SHTN1: variants seen among roughly 807,000 people sequenced by gnomAD.
SHTN1 encodes the protein shootin 1, also known as shootin-1.
A neutral mutation model predicts 83.1 loss-of-function variants in SHTN1; 42 were observed. The observed-to-expected ratio is 0.51, with a 90% CI of 0.39 to 0.65. The LOEUF (loss-of-function observed/expected upper bound fraction) is 0.65, where lower values mean the gene tolerates loss of function less well. SHTN1 is among the 30% of genes least tolerant of loss of function. SHTN1 has a pLI of 0.00. For missense variants in SHTN1, 622 were observed against 737.8 expected (o/e 0.84, Z 1.82); for synonymous variants, 224 against 247.7 (o/e 0.90, Z 0.90).
chr10:116,953,617 T>G (rs1470310831), intron 5 of SHTN1, among the ~76,000 whole-genome samples: 1 of 125,424 alleles, frequency 8.0e-6, no homozygotes, highest in African/African-American at 2.6e-5. Flanking sequence ...ATCAGTTTTG[T>G]GTTTTGTTTT....
chr10:117,019,313 A>G (rs1852228290), intron 2 of SHTN1, among the ~76,000 whole-genome samples: 1 of 151,964 alleles, frequency 6.6e-6, no homozygotes, highest in Non-Finnish European at 1.5e-5. Flanking sequence ...CCTCCAGAGT[A>G]GATGAGACCA....
chr10:116,993,974 C>T (rs1451500843), intron 1 of SHTN1, among the ~76,000 whole-genome samples: 1 of 152,050 alleles, frequency 6.6e-6, no homozygotes, highest in Non-Finnish European at 1.5e-5. Flanking sequence ...ATATCTGAGT[C>T]TGTTAGCAAG....
chr10:116,979,130 G>C, intron 2 of SHTN1, 126 bp downstream of exon 2: 1 of 758,506 alleles, frequency 1.3e-6, no homozygotes, highest in East Asian at 2.6e-5. Context: ...AAGAGAAAAG[G>C]GAAGAAAAGA....
chr10:117,014,016 A>C (rs1353453749), intron 2 of SHTN1, among the ~76,000 whole-genome samples: 2 of 152,220 alleles, frequency 1.3e-5, no homozygotes, highest in Non-Finnish European at 2.9e-5. Context: ...TCTTGAATGC[A>C]TTCTGTTAAA....
At chr10:117,033,721 C>CAA (rs34597044) in intron 2 of SHTN1, among the ~76,000 whole-genome samples, 17 of 151,338 alleles carry the variant, frequency 1.1e-4, no homozygotes, top group East Asian at 1.9e-4. Flanking sequence ...AAAGGCACAT[C>CAA]AAAAAAAAGG....
rs534885189 is a variant in SHTN1 at position 116,930,799 on chromosome 10, C to T, written c.859-797G>A. ...TTCTGTGTTAAGTTCTTTGAGAAATCGCCACACTGCCTTCCATAATGGCTG... is the reference window on the plus strand; with the variant it reads ...TTCTGTGTTAAGTTCTTTGAGAAATTGCCACACTGCCTTCCATAATGGCTG... On this transcript the variant is annotated intron_variant, in intron 9 of 16. Coordinates refer to ENST00000355371, the MANE Select transcript of SHTN1 (RefSeq NM_001127211.3). Among the ~76,000 whole-genome samples the T allele has an allele frequency of 4.6e-5, 7 of 152,246 alleles. No individual in the cohort carries two copies. In the East Asian group the frequency reaches 7.7e-4, roughly 17 times the overall value.
chr10:116,974,965 G>A (rs1186542331), intron 2 of SHTN1, among the ~76,000 whole-genome samples: 1 of 151,990 alleles, frequency 6.6e-6, no homozygotes, highest in Non-Finnish European at 1.5e-5. Context: ...CATTTTATTT[G>A]GTTGATTGCA....
chr10:117,064,806 T>G lies in SHTN1; in HGVS notation c.-188-16296A>C, dbSNP rs530448917. 9.9e-5 allele frequency among the ~76,000 whole-genome samples: 15 copies of G among 152,278 alleles called. 1 individual carries two copies. Among genetic ancestry groups the G allele is most frequent in the African/African-American group, 3.4e-4 (14 of 41,562 alleles). On this transcript the variant is annotated intron_variant, in intron 1 of 17. Coordinates refer to the SHTN1 transcript ENST00000392901. ...CAGCGATCTAAATTGAACCTTACTGTCTGTTCTTTGGGATAATTCCGTTAG... is the reference window on the plus strand; with the variant it reads ...CAGCGATCTAAATTGAACCTTACTGGCTGTTCTTTGGGATAATTCCGTTAG...
At position 116,919,551 on chromosome 10, in the gene SHTN1, G is replaced by A. The variant is rs538993176; in HGVS notation, c.1195+1883C>T. On this transcript the variant is annotated intron_variant, in intron 12 of 16. Coordinates refer to ENST00000355371, the MANE Select transcript of SHTN1 (RefSeq NM_001127211.3). ...GAATAATTTTTCTTTTTAATTTAAGGTGCTATCAAAGTTGACAAGTTGGTG... is the reference window on the plus strand; with the variant it reads ...GAATAATTTTTCTTTTTAATTTAAGATGCTATCAAAGTTGACAAGTTGGTG... Among the ~76,000 whole-genome samples, 112 of 152,248 alleles carry A rather than the reference G, an allele frequency of 7.4e-4. 2 individuals are homozygous for A. The South Asian group carries it at 0.022, about 30-fold the overall frequency.
intron 16 of SHTN1, among the ~76,000 whole-genome samples, chr10:116,898,893 C>T (rs1383126886): frequency 1.3e-5 from 2 of 152,058 alleles, no homozygotes; most frequent in Admixed American, 6.5e-5. Flanking sequence ...ATATCTTTGA[C>T]TTTATAATTT....
chr10:117,060,665 C>A (rs1255500701), intron 1 of SHTN1, among the ~76,000 whole-genome samples: 2 of 152,158 alleles, frequency 1.3e-5, no homozygotes, highest in African/African-American at 4.8e-5. Flanking sequence ...GTACAATACA[C>A]AAGAACTTCA....
chr10:116,926,237 T>G (rs2133372594), intron 11 of SHTN1, among the ~76,000 whole-genome samples: 1 of 152,286 alleles, frequency 6.6e-6, no homozygotes, highest in Admixed American at 6.5e-5. Flanking sequence ...TCAACATTTC[T>G]GAGAATAAAA....
chr10:116,963,416 G>T (rs970965128), intron 3 of SHTN1, among the ~76,000 whole-genome samples: 1 of 151,954 alleles, frequency 6.6e-6, no homozygotes, highest in Non-Finnish European at 1.5e-5. Flanking sequence ...GTAATAATTT[G>T]CCCTATGGTT....
chr10:117,050,142 C>T (rs376109948), intron 1 of SHTN1, among the ~76,000 whole-genome samples: 23 of 152,026 alleles, frequency 1.5e-4, no homozygotes, highest in African/African-American at 5.1e-4. Context: ...TCCTGGGCAA[C>T]ACAGCAAGAC....
intron 8 of SHTN1, among the ~76,000 whole-genome samples, chr10:116,944,313 T>A (rs559686288): frequency 6.0e-4 from 92 of 152,360 alleles, no homozygotes; most frequent in Non-Finnish European, 1.1e-3. Context: ...ACACTTTTTT[T>A]AAATTTTGCC....
rs188637520 is a variant in SHTN1 at position 116,949,396 on chromosome 10, C to T, written c.535-399G>A. Among the ~76,000 whole-genome samples, 277 of 152,268 alleles carry T rather than the reference C, an allele frequency of 1.8e-3. 1 individual carries two copies. The highest frequency in any genetic ancestry group is 3.1e-3 in the Non-Finnish European group (208 of 68,026). On this transcript the variant is annotated intron_variant, in intron 6 of 16. Coordinates refer to ENST00000355371, the MANE Select transcript of SHTN1 (RefSeq NM_001127211.3). ...CCTCCTGCTTCAGCCTCCCGAAGTG[C>T]TGGGATTACAGGCGTGAGCCACCAT...
intron 1 of SHTN1, among the ~76,000 whole-genome samples, chr10:117,093,934 T>C (rs778207242): frequency 2.6e-5 from 4 of 152,332 alleles, no homozygotes; most frequent in Middle Eastern, 3.4e-3. Flanking sequence ...GAGGAAAACA[T>C]GGAGCTTCCT....
intron 9 of SHTN1, among the ~76,000 whole-genome samples, chr10:116,936,784 T>C (rs1036647503): frequency 6.6e-6 from 1 of 152,172 alleles, no homozygotes; most frequent in Non-Finnish European, 1.5e-5. Context: ...CCACTATTAT[T>C]GTGTGGGAGT....
At chr10:116,897,479 CA>C (rs1847564462) in intron 16 of SHTN1, among the ~76,000 whole-genome samples, 1 of 152,034 alleles carries the variant, frequency 6.6e-6, no homozygotes, top group African/African-American at 2.4e-5. Context: ...TTAGAAGAAA[CA>C]TAACAAAAAG....
Sources: allele counts gnomAD v4.1 joint callset (sites outside exome capture counted in the v4.1 genomes callset), GRCh38; gene constraint gnomAD v4.1.1; transcripts MANE v1.5; gene names NCBI Gene and HGNC (gene_info 2026-07-23, HGNC 2026-07-21).